CFAP47: variants seen among roughly 807,000 people sequenced by gnomAD.
CFAP47 encodes cilia- and flagella-associated protein 47.
CFAP47 carries 29 observed loss-of-function variants against 148.1 expected under a neutral mutation model. The observed-to-expected ratio is 0.20, with a 90% CI of 0.15 to 0.27. The LOEUF (loss-of-function observed/expected upper bound fraction) is 0.27. CFAP47 is among the 10% of genes least tolerant of loss of function. The pLI, the probability that CFAP47 is intolerant of heterozygous loss-of-function variation, is 1.00. For synonymous variants in CFAP47, 664 were observed against 577.3 expected (o/e 1.15, Z -2.15); for missense variants, 1,872 against 1,697.5 (o/e 1.10, Z -1.81).
chrX:36,144,660 G>T (rs1305123817), intron 35 of CFAP47: 2 of 1,027,950 alleles, frequency 1.9e-6, no homozygotes, highest in Non-Finnish European at 2.6e-6. Flanking sequence ...CCGATTGGCT[G>T]TGGCAGTGGC....
At position 36,130,336 on chromosome X, in the gene CFAP47, T is replaced by C. The variant is rs1196473416; in HGVS notation, c.5321-7622T>C. Among the ~76,000 whole-genome samples the C allele has an allele frequency of 6.3e-5, 7 of 111,404 alleles. No individual in the cohort carries two copies. In the East Asian group the frequency reaches 2.0e-3, roughly 31 times the overall value. ...GCACATGAAAAGGTGCTCAACATCA[T>C]TGATCATCAGAGAAATGCAAATCAA... On this transcript the variant is annotated intron_variant, in intron 33 of 63. Coordinates refer to ENST00000378653, the MANE Select transcript of CFAP47 (RefSeq NM_001304548.2).
At chrX:35,944,667 T>C (rs746837340) in intron 3 of CFAP47, among the ~76,000 whole-genome samples, 2 of 112,113 alleles carry the variant, frequency 1.8e-5, no homozygotes, top group African/African-American at 6.5e-5. Context: ...ATCTTACAGA[T>C]ACTCTGAGGC....
intron 62 of CFAP47, among the ~76,000 whole-genome samples, chrX:36,367,652 A>G (rs1282131738): frequency 2.7e-5 from 3 of 111,607 alleles, no homozygotes; most frequent in Non-Finnish European, 5.7e-5. Context: ...GTAAATGTAC[A>G]TTTTAATAGT....
chrX:35,949,468 A>G (rs376838859), intron 4 of CFAP47, among the ~76,000 whole-genome samples: 1 of 111,753 alleles, frequency 8.9e-6, no homozygotes, highest in East Asian at 2.8e-4. Context: ...GAGAAGACTG[A>G]TAGAAGTGTG....
chrX:36,050,639 C>T (rs966044243), intron 26 of CFAP47, among the ~76,000 whole-genome samples: 1 of 112,197 alleles, frequency 8.9e-6, no homozygotes, highest in African/African-American at 3.2e-5. Context: ...CAGCCTGATA[C>T]TGCAGTAGAA....
At position 36,299,046 on chromosome X, in the gene CFAP47, A is replaced by G; in HGVS notation, c.7756A>G (p.Thr2586Ala). The change falls in exon 52 of 64, where the codon ACG becomes GCG. Residue 2586 changes from threonine (T) to alanine (A), a missense_variant. Coordinates refer to ENST00000378653, the MANE Select transcript of CFAP47 (RefSeq NM_001304548.2). ...AGGTCTTCACTTAGAGGTGCAGTTA[A>G]CGAGTGCTGCCCTTAATGGGGATAA... ...DRGLHLEVQL[T>A]SAALNGDNEI... is the part of the protein sequence containing the mutation. 1 of 1,148,284 alleles carries G rather than the reference A, an allele frequency of 8.7e-7. No homozygotes were observed. The allele number at this position is 1,148,284 out of a possible 1,213,427, so 94.6% of individuals were successfully genotyped here. A position where few individuals can be genotyped will look rare whatever the true frequency, so the allele number is the denominator to read the frequency against.
chrX:36,046,214 A>G (rs1264415341), intron 25 of CFAP47, among the ~76,000 whole-genome samples: 1 of 110,674 alleles, frequency 9.0e-6, no homozygotes, highest in South Asian at 3.8e-4. Context: ...AAGTAATATG[A>G]TTAAATATTT....
chrX:36,217,836 A>T (rs1555990323), intron 45 of CFAP47, among the ~76,000 whole-genome samples: 1 of 112,275 alleles, frequency 8.9e-6, no homozygotes. Context: ...ATTTATTTTC[A>T]ATTTGATAAA....
In CFAP47 at chrX:36,014,868, C is replaced by T. The variant is rs1484060025; in HGVS notation, c.3512C>T (p.Pro1171Leu). The T allele has an allele frequency of 6.8e-6, 2 of 293,173 alleles. No individual in the cohort carries two copies. The highest frequency in any genetic ancestry group is 2.8e-5 in the African/African-American group (1 of 36,149). 24.2% of individuals were successfully genotyped at this position (293,173 alleles called of 1,213,427 possible). The change falls in exon 22 of 64, where the codon CCA becomes CTA. Residue 1171 changes from proline to leucine, a missense_variant. Physicochemically the swap from Pro to Leu is moderately conservative, Grantham distance 98 (BLOSUM62 -3). Coordinates refer to ENST00000378653, the MANE Select transcript of CFAP47 (RefSeq NM_001304548.2). ...TKYLSSSPSN[P>L]KTVPLIRPCY... The stretch of plus-strand genomic sequence containing the variant: ...TATTTGTCCAGTTCTCCTTCGAATC[C>T]AAAAACAGTACCACTTATCCGACCA...
chrX:36,379,199 A>C, intron 62 of CFAP47, 151 bp from the exon 63 acceptor site: 2 of 485,297 alleles, frequency 4.1e-6, no homozygotes, highest in Admixed American at 8.0e-5. Context: ...ATTTTTTTTA[A>C]AATGCCTCCT....
chrX:35,928,922 G>A (rs1216449776), intron 2 of CFAP47, among the ~76,000 whole-genome samples: 1 of 110,287 alleles, frequency 9.1e-6, no homozygotes, highest in African/African-American at 3.3e-5. Context: ...TTCCTCCATT[G>A]AATTGTGTAC....
At chrX:36,006,695 T>C (rs1936985639) in intron 21 of CFAP47, among the ~76,000 whole-genome samples, 1 of 112,029 alleles carries the variant, frequency 8.9e-6, no homozygotes, top group Admixed American at 9.5e-5. Flanking sequence ...GAAGTGCTAG[T>C]AGTCAAATGC....
intron 49 of CFAP47, among the ~76,000 whole-genome samples, chrX:36,265,285 T>C (rs1556000878): frequency 8.9e-6 from 1 of 112,431 alleles, no homozygotes; most frequent in African/African-American, 3.2e-5. Context: ...TGAAGTCATT[T>C]ATCAGTTCTG....
intron 22 of CFAP47, chrX:36,021,870 T>G (rs750952389): frequency 9.2e-4 from 103 of 111,632 alleles, no homozygotes; most frequent in African/African-American, 3.0e-3. Context: ...CTGCATAGTA[T>G]TCCATGGTGT....
At chrX:36,117,831 T>C (rs1307810850) in intron 33 of CFAP47, among the ~76,000 whole-genome samples, 1 of 112,001 alleles carries the variant, frequency 8.9e-6, no homozygotes, top group Non-Finnish European at 1.9e-5. Context: ...ATCAGCATTC[T>C]ACAGTTTTCC....
At chrX:35,952,748 A>G (rs1053795323) in intron 6 of CFAP47, among the ~76,000 whole-genome samples, 1 of 111,871 alleles carries the variant, frequency 8.9e-6, no homozygotes, top group Admixed American at 9.5e-5. Flanking sequence ...ACCTTCATAC[A>G]AGTAGTTTCT....
chrX:36,022,711 T>C (rs928825206), intron 22 of CFAP47, among the ~76,000 whole-genome samples: 2 of 110,921 alleles, frequency 1.8e-5, no homozygotes, highest in African/African-American at 6.6e-5. Context: ...AAATAGACTG[T>C]CTTTGAGCTC....
At chrX:36,257,927 T>C (rs184329633) in intron 49 of CFAP47, among the ~76,000 whole-genome samples, 1 of 112,294 alleles carries the variant, frequency 8.9e-6, no homozygotes, top group African/African-American at 3.2e-5. Context: ...ACATTCATGC[T>C]ATAGTAGTGT....
intron 33 of CFAP47, among the ~76,000 whole-genome samples, chrX:36,118,945 T>G (rs1938691522): frequency 8.9e-6 from 1 of 112,430 alleles, no homozygotes; most frequent in African/African-American, 3.2e-5. Context: ...TTTACTGAAT[T>G]TGTTTTTCAT....
Sources: gnomAD v4.1 joint callset for allele counts (sites outside exome capture counted in the v4.1 genomes callset) on GRCh38, gnomAD v4.1.1 for gene constraint, MANE v1.5 for transcripts, NCBI Gene and HGNC (gene_info 2026-07-23, HGNC 2026-07-21) for gene names.